GRIK2: variants seen among roughly 807,000 people sequenced by gnomAD.
GRIK2 encodes the protein glutamate ionotropic receptor kainate type subunit 2.
A neutral mutation model predicts 100.3 loss-of-function variants in GRIK2; 32 were observed. The ratio of observed to expected loss-of-function variants is 0.32; its 90% CI spans 0.24 to 0.43. The LOEUF (loss-of-function observed/expected upper bound fraction) is 0.43. Ranked by LOEUF, GRIK2 falls within the 20% of genes least tolerant of loss-of-function variation. GRIK2 has a pLI of 1.00. For synonymous variants in GRIK2, 417 were observed against 389.4 expected, an observed-to-expected ratio of 1.07 and a Z score of -0.83; for missense variants, 843 against 1,114.9, an observed-to-expected ratio of 0.76 and a Z score of 3.47.
At chr6:101,424,594 T>A (rs1213873889) in intron 2 of GRIK2, among the ~76,000 whole-genome samples, 1 of 150,950 alleles carries the variant, frequency 6.6e-6, no homozygotes, top group Non-Finnish European at 1.5e-5. Context: ...TTCTTTAAGT[T>A]TTAGGTTACA....
chr6:101,959,366 T>C (rs760245248), intron 14 of GRIK2, among the ~76,000 whole-genome samples: 1 of 152,168 alleles, frequency 6.6e-6, no homozygotes, highest in African/African-American at 2.4e-5. Context: ...TTCTAGTTTG[T>C]ATGCCTAGTG....
chr6:101,756,691 A>G (rs1562360936), intron 7 of GRIK2, among the ~76,000 whole-genome samples: 1 of 152,188 alleles, frequency 6.6e-6, no homozygotes, highest in Non-Finnish European at 1.5e-5. Flanking sequence ...TAATTTCTTT[A>G]AATGACCATT....
At chr6:101,604,401 AG>A (rs1385411159) in intron 2 of GRIK2, among the ~76,000 whole-genome samples, 1 of 151,920 alleles carries the variant, frequency 6.6e-6, no homozygotes, top group Non-Finnish European at 1.5e-5. Context: ...GCCCTTCTGC[AG>A]TCATGAGATT....
chr6:101,987,603 TG>T (rs996625874), intron 14 of GRIK2, among the ~76,000 whole-genome samples: 59 of 150,844 alleles, frequency 3.9e-4, no homozygotes, highest in Admixed American at 2.6e-3. Context: ...ATTAGCTTCC[TG>T]TATTACAATT....
intron 14 of GRIK2, among the ~76,000 whole-genome samples, chr6:101,955,587 T>TCTCTCTCTCTCTCTCTCTCTCTCC: frequency 1.4e-5 from 1 of 73,304 alleles, no homozygotes; most frequent in African/African-American, 3.7e-5. Context: ...TCTCTCTCTC[T>TCTCTCTCTCTCTCTCTCTCTCTCC]CTCTCTCTCT....
chr6:101,632,186 G>A (rs1043730691), intron 4 of GRIK2, among the ~76,000 whole-genome samples: 1 of 152,060 alleles, frequency 6.6e-6, no homozygotes, highest in African/African-American at 2.4e-5. Context: ...CTGCTTTCAA[G>A]TCTGGAATAG....
At chr6:101,558,866 A>AT (rs940371439) in intron 2 of GRIK2, among the ~76,000 whole-genome samples, 7 of 151,398 alleles carry the variant, frequency 4.6e-5, no homozygotes, top group African/African-American at 7.3e-5. Context: ...GCCAAATGTG[A>AT]TTTTTTTTCT....
chr6:101,864,457 A>G (rs1784929375), intron 11 of GRIK2, among the ~76,000 whole-genome samples: 1 of 152,164 alleles, frequency 6.6e-6, no homozygotes, highest in Admixed American at 6.5e-5. Context: ...AGCCCTAGTC[A>G]AAAAACTGCT....
intron 7 of GRIK2, among the ~76,000 whole-genome samples, chr6:101,709,144 G>A (rs111586121): frequency 6.6e-6 from 1 of 151,846 alleles, no homozygotes; most frequent in African/African-American, 2.4e-5. Context: ...CAGACAAACA[G>A]GGAGAACACA....
At chr6:101,801,801 A>G (rs1041668928) in intron 8 of GRIK2, among the ~76,000 whole-genome samples, 14 of 151,894 alleles carry the variant, frequency 9.2e-5, no homozygotes, top group Admixed American at 6.6e-5. Context: ...TCTTGATATG[A>G]AGTAATTATA....
At chr6:101,720,641 TA>T (rs1279715453) in intron 7 of GRIK2, among the ~76,000 whole-genome samples, 2 of 151,930 alleles carry the variant, frequency 1.3e-5, no homozygotes, top group African/African-American at 4.8e-5. Flanking sequence ...ATAAGACAAA[TA>T]ATGATTCAGT....
rs1176547303 is a variant in GRIK2, at chr6:101,527,854, A to G, written c.116-94095A>G. Among the ~76,000 whole-genome samples the G allele has an allele frequency of 3.9e-5, 6 of 152,290 alleles. No homozygotes were observed. The East Asian group carries it at 9.6e-4, about 24-fold the overall frequency. Reference sequence around the variant, plus strand: ...TAAGAAAATTTTGGCAAGAGAGAGAACTGGTGGATGATTTTGTTTTTTATT... The same window carrying G: ...TAAGAAAATTTTGGCAAGAGAGAGAGCTGGTGGATGATTTTGTTTTTTATT... On this transcript the variant is annotated intron_variant, in intron 2 of 16. Coordinates refer to ENST00000369134, the MANE Select transcript of GRIK2 (RefSeq NM_021956.5).
At chr6:101,539,858 TA>T (rs1420996742) in intron 2 of GRIK2, among the ~76,000 whole-genome samples, 1 of 151,830 alleles carries the variant, frequency 6.6e-6, no homozygotes, top group Non-Finnish European at 1.5e-5. Context: ...GCAGCAACTT[TA>T]TTTAGAAGTT....
At chr6:101,746,919 T>C (rs909008077) in intron 7 of GRIK2, among the ~76,000 whole-genome samples, 22 of 152,204 alleles carry the variant, frequency 1.4e-4, no homozygotes, top group African/African-American at 5.3e-4. Flanking sequence ...ATGAATGCTT[T>C]GGGAAATTCC....
At chr6:101,793,978 A>C (rs535305892) in intron 7 of GRIK2, among the ~76,000 whole-genome samples, 1 of 152,024 alleles carries the variant, frequency 6.6e-6, no homozygotes, top group Non-Finnish European at 1.5e-5. Context: ...TGTGCTAGCA[A>C]TCAGCGAGAC....
chr6:101,887,400 T>A (rs1352713409), intron 11 of GRIK2, among the ~76,000 whole-genome samples: 1 of 152,182 alleles, frequency 6.6e-6, no homozygotes, highest in Non-Finnish European at 1.5e-5. Context: ...GCTTTTCATG[T>A]GCCTAAGAGA....
At chr6:101,629,749 A>G (rs1372691299) in intron 4 of GRIK2, among the ~76,000 whole-genome samples, 2 of 152,080 alleles carry the variant, frequency 1.3e-5, no homozygotes, top group African/African-American at 2.4e-5. Flanking sequence ...CAGGGAGTGC[A>G]TGTGCAGGTT....
At position 101,789,036 on chromosome 6, in the gene GRIK2, C is replaced by T. The variant is rs187950634; in HGVS notation, c.952-10612C>T. ...TTGAGAAGTGTGTGTTCATATCCTT[C>T]GCCCACTTTTTGATGGGGTTGTTTT... On this transcript the variant is annotated intron_variant, in intron 7 of 16. Coordinates refer to ENST00000369134, the MANE Select transcript of GRIK2 (RefSeq NM_021956.5). Among the ~76,000 whole-genome samples the T allele has an allele frequency of 1.3e-3, 199 of 152,116 alleles. 2 individuals are homozygous for T. The highest frequency in any genetic ancestry group is 3.6e-3 in the African/African-American group (149 of 41,504).
At chr6:101,610,781 A>G (rs1474893169) in intron 2 of GRIK2, among the ~76,000 whole-genome samples, 1 of 151,648 alleles carries the variant, frequency 6.6e-6, no homozygotes, top group Non-Finnish European at 1.5e-5. Context: ...TGGTTGACCT[A>G]TTTTCTTTTA....
Sources: gnomAD v4.1 joint callset for allele counts (sites outside exome capture counted in the v4.1 genomes callset) on GRCh38, gnomAD v4.1.1 for gene constraint, MANE v1.5 for transcripts, NCBI Gene and HGNC (gene_info 2026-07-23, HGNC 2026-07-21) for gene names.